The following SLC39A8 variants were observed in gnomAD, a reference collection of about 807,000 sequenced individuals.
SLC39A8 encodes the protein solute carrier family 39 member 8.
A neutral mutation model predicts 40.4 loss-of-function variants in SLC39A8; 15 were observed. That is an observed-to-expected ratio of 0.37 (90% confidence interval 0.25 to 0.57). SLC39A8 has a LOEUF of 0.57. Ranked by LOEUF, SLC39A8 falls within the 20% of genes least tolerant of loss-of-function variation. The pLI, the probability that SLC39A8 is intolerant of heterozygous loss-of-function variation, is 0.75. For synonymous variants in SLC39A8, 223 were observed against 221.6 expected (o/e 1.01, Z -0.06); for missense variants, 472 against 558.8 (o/e 0.84, Z 1.57).
At chr4:102,283,319 T>C (rs1480482991) in intron 6 of SLC39A8, among the ~76,000 whole-genome samples, 1 of 152,238 alleles carries the variant, frequency 6.6e-6, no homozygotes, top group Non-Finnish European at 1.5e-5. Context: ...ATTTGACTCC[T>C]AAGCCTATGC....
At chr4:102,342,223 A>G (rs1337573453) in intron 2 of SLC39A8, among the ~76,000 whole-genome samples, 8 of 152,332 alleles carry the variant, frequency 5.3e-5, no homozygotes, top group African/African-American at 1.9e-4. Flanking sequence ...ACATCAGGCA[A>G]GGTACCGTGG....
At chr4:102,325,412 TAC>T (rs1250635271) in intron 2 of SLC39A8, among the ~76,000 whole-genome samples, 1 of 147,962 alleles carries the variant, frequency 6.8e-6, no homozygotes, top group East Asian at 1.9e-4. Flanking sequence ...CACACTCATA[TAC>T]ACACACACTC....
At chr4:102,263,302 T>A in intron 8 of SLC39A8, 109 bp from the exon 9 acceptor site, 1 of 881,630 alleles carries the variant, frequency 1.1e-6, no homozygotes, top group Non-Finnish European at 1.8e-6. Flanking sequence ...TCCAGACCAG[T>A]GTGATAAAGC....
At chr4:102,338,037 A>C (rs1454761827) in intron 2 of SLC39A8, among the ~76,000 whole-genome samples, 2 of 152,034 alleles carry the variant, frequency 1.3e-5, no homozygotes, top group Non-Finnish European at 2.9e-5. Context: ...ACCCCAAAAA[A>C]TCCCTCACCT....
At chr4:102,292,278 C>T (rs1272439493) in intron 6 of SLC39A8, among the ~76,000 whole-genome samples, 1 of 152,004 alleles carries the variant, frequency 6.6e-6, no homozygotes, top group East Asian at 1.9e-4. Flanking sequence ...ACAATGTGTA[C>T]ATATATTAAA....
chr4:102,261,337 GCTGTT>G (rs1168462888), downstream of SLC39A8, among the ~76,000 whole-genome samples: 1 of 152,158 alleles, frequency 6.6e-6, no homozygotes, highest in African/African-American at 2.4e-5. Flanking sequence ...AACTCGTGGT[GCTGTT>G]TTGGCTCTTC....
intron 2 of SLC39A8, among the ~76,000 whole-genome samples, chr4:102,336,123 C>T (rs1735661927): frequency 1.3e-5 from 2 of 152,038 alleles, no homozygotes; most frequent in African/African-American, 4.8e-5. Context: ...GGAAAAAAGT[C>T]TTATATCTTT....
chr4:102,289,124 G>A (rs1344784429), intron 6 of SLC39A8, among the ~76,000 whole-genome samples: 1 of 152,084 alleles, frequency 6.6e-6, no homozygotes, highest in Non-Finnish European at 1.5e-5. Flanking sequence ...TTTAAGTTGA[G>A]ACCAATGATC....
chr4:102,283,165 T>A (rs1283478581), intron 6 of SLC39A8, among the ~76,000 whole-genome samples: 1 of 127,456 alleles, frequency 7.8e-6, no homozygotes, highest in Non-Finnish European at 1.8e-5. Context: ...GTTAAAGATT[T>A]ATTGTTTGCA....
At chr4:102,342,709 C>T (rs1307487099) in intron 2 of SLC39A8, among the ~76,000 whole-genome samples, 1 of 152,148 alleles carries the variant, frequency 6.6e-6, no homozygotes, top group Non-Finnish European at 1.5e-5. Context: ...TTGAGACATC[C>T]TGCCTGCTAA....
At chr4:102,283,969 C>T (rs448195) in intron 6 of SLC39A8, among the ~76,000 whole-genome samples, 32,872 of 152,028 alleles carry the variant, frequency 0.22, 4,128 homozygotes, top group Middle Eastern at 0.3. Context: ...ATGGATGGTT[C>T]CTTCTTACAA....
At chr4:102,307,879 T>A (rs972918374) in intron 3 of SLC39A8, among the ~76,000 whole-genome samples, 6 of 151,820 alleles carry the variant, frequency 4.0e-5, no homozygotes, top group African/African-American at 1.5e-4. Flanking sequence ...TTGGAGAACA[T>A]CTAGAACAGC....
intron 8 of SLC39A8, 87 bp from the exon 9 acceptor site, chr4:102,263,280 T>C (rs904026808): frequency 1.0e-5 from 12 of 1,196,446 alleles, no homozygotes; most frequent in African/African-American, 1.5e-5. Flanking sequence ...TTGGAGACAG[T>C]GTGGGTTTGG....
At position 102,262,312 on chromosome 4, in the gene SLC39A8, GCAACCACAA is replaced by G; in HGVS notation, c.*723_*731del. Reference sequence around the variant, plus strand: ...TACTGTTCTGCCATTTGTGAGGGGTGCAACCACAACATAAGTCAGAAAAAAAGCTATCCA... The same window carrying G: ...TACTGTTCTGCCATTTGTGAGGGGTGCATAAGTCAGAAAAAAAGCTATCCA... On this transcript the variant is annotated 3_prime_UTR_variant, in exon 9 of 9. Transcript: ENST00000356736. 1 of 985,624 alleles carries G rather than the reference GCAACCACAA, an allele frequency of 1.0e-6. No homozygotes were observed. The highest frequency in any genetic ancestry group is 4.7e-5 in the South Asian group (1 of 21,282). 61.1% of individuals were successfully genotyped at this position (985,624 alleles called of 1,614,324 possible).
chr4:102,308,931 A>T (rs1734307572), intron 3 of SLC39A8, among the ~76,000 whole-genome samples: 1 of 152,158 alleles, frequency 6.6e-6, no homozygotes, highest in Non-Finnish European at 1.5e-5. Flanking sequence ...GTAACCTGCC[A>T]GAATCACGCA....
At chr4:102,281,720 A>G (rs1360566551) in intron 6 of SLC39A8, among the ~76,000 whole-genome samples, 1 of 152,106 alleles carries the variant, frequency 6.6e-6, no homozygotes, top group Admixed American at 6.5e-5. Context: ...CCTGGTTTAT[A>G]TTTCAATAGT....
intron 6 of SLC39A8, among the ~76,000 whole-genome samples, chr4:102,292,830 C>A (rs1733509657): frequency 6.6e-6 from 1 of 151,970 alleles, no homozygotes; most frequent in Admixed American, 6.6e-5. Context: ...TTAATGCATA[C>A]CTACTCTTAG....
intron 2 of SLC39A8, among the ~76,000 whole-genome samples, chr4:102,338,644 G>A (rs1380286984): frequency 2.0e-5 from 3 of 152,114 alleles, no homozygotes; most frequent in African/African-American, 7.2e-5. Context: ...CAAAATCTAA[G>A]GTCATGGTTG....
intron 6 of SLC39A8, among the ~76,000 whole-genome samples, chr4:102,302,521 A>G (rs1267303623): frequency 6.6e-6 from 1 of 152,066 alleles, no homozygotes; most frequent in East Asian, 1.9e-4. Context: ...TCCTTGGGTC[A>G]AATTATTTTT....
Sources: gnomAD v4.1 joint callset for allele counts (sites outside exome capture counted in the v4.1 genomes callset) on GRCh38, gnomAD v4.1.1 for gene constraint, MANE v1.5 for transcripts, NCBI Gene and HGNC (gene_info 2026-07-23, HGNC 2026-07-21) for gene names.